FNIP1: variants seen among roughly 807,000 people sequenced by gnomAD.
The protein encoded by FNIP1 is folliculin-interacting protein 1.
In FNIP1, 40 loss-of-function variants were observed where a neutral mutation model predicts 124.5. The observed-to-expected ratio is 0.32, with a 90% CI of 0.25 to 0.42. The LOEUF (loss-of-function observed/expected upper bound fraction) is 0.42. FNIP1 is among the 10% of genes least tolerant of loss of function. FNIP1 has a pLI of 1.00. For missense variants in FNIP1, 1,176 were observed against 1,403.7 expected, an observed-to-expected ratio of 0.84 and a Z score of 2.59; for synonymous variants, 472 against 470.6, an observed-to-expected ratio of 1.00 and a Z score of -0.04.
intron 1 of FNIP1, among the ~76,000 whole-genome samples, chr5:131,755,429 A>C (rs1771018083): frequency 6.6e-6 from 1 of 151,844 alleles, no homozygotes; most frequent in Non-Finnish European, 1.5e-5. Context: ...TTAAAAAAAA[A>C]AAAAACGAAG....
At chr5:131,780,898 A>G (rs1052638221) in intron 1 of FNIP1, among the ~76,000 whole-genome samples, 5 of 152,238 alleles carry the variant, frequency 3.3e-5, no homozygotes, top group African/African-American at 1.2e-4. Flanking sequence ...CTGTAAATCA[A>G]AAGCTAGAAA....
rs1294773409 is a variant in FNIP1 at position 131,706,553 on chromosome 5, A to G, written c.779-7T>C. On this transcript the variant is annotated splice_polypyrimidine_tract_variant and splice_region_variant and intron_variant, in intron 8 of 17. Transcript: ENST00000510461. ...AGCAAGCTGCTGAGAGATGCTGTTAAGTCAGAAGAACAACAAGTATAAGTC... is the reference window on the plus strand; with the variant it reads ...AGCAAGCTGCTGAGAGATGCTGTTAGGTCAGAAGAACAACAAGTATAAGTC... The G allele has an allele frequency of 1.3e-6, 2 of 1,563,608 alleles. No individual in the cohort carries two copies. Among genetic ancestry groups the G allele is most frequent in the Non-Finnish European group, 1.7e-6 (2 of 1,155,080 alleles).
At chr5:131,652,378 C>A (rs1445756731) in intron 15 of FNIP1, among the ~76,000 whole-genome samples, 3 of 152,270 alleles carry the variant, frequency 2.0e-5, no homozygotes, top group South Asian at 4.1e-4. Context: ...TATTTTCAGA[C>A]AGAGTCTTGC....
At chr5:131,731,812 T>C (rs893387691) in intron 2 of FNIP1, among the ~76,000 whole-genome samples, 5 of 152,122 alleles carry the variant, frequency 3.3e-5, no homozygotes, top group Admixed American at 2.0e-4. Context: ...TTCATTTAAA[T>C]ACAACAATAA....
chr5:131,711,883 GTC>G (rs1199120459), intron 6 of FNIP1, among the ~76,000 whole-genome samples: 1 of 152,130 alleles, frequency 6.6e-6, no homozygotes, highest in African/African-American at 2.4e-5. Flanking sequence ...ATCCTTCCAT[GTC>G]TCAATGGTCA....
chr5:131,736,576 G>A (rs1027292317), intron 2 of FNIP1, among the ~76,000 whole-genome samples: 8 of 152,178 alleles, frequency 5.3e-5, no homozygotes, highest in South Asian at 2.1e-4. Context: ...GAGCATTACC[G>A]CCTGCACTCC....
chr5:131,691,085 C>G (rs953435319), intron 11 of FNIP1, among the ~76,000 whole-genome samples: 1 of 152,110 alleles, frequency 6.6e-6, no homozygotes, highest in African/African-American at 2.4e-5. Flanking sequence ...GGAACATTTG[C>G]CAAAATGGAC....
intron 1 of FNIP1, among the ~76,000 whole-genome samples, chr5:131,763,635 T>C (rs1377510385): frequency 6.6e-6 from 1 of 152,106 alleles, no homozygotes; most frequent in Admixed American, 6.6e-5. Flanking sequence ...CATGATCTAA[T>C]CACCTCCCAC....
intron 1 of FNIP1, among the ~76,000 whole-genome samples, chr5:131,758,152 AT>A (rs1465425303): frequency 1.6e-4 from 24 of 152,346 alleles, no homozygotes; most frequent in Admixed American, 1.4e-3. Flanking sequence ...ACAACAAACA[AT>A]CACAACAGAG....
chr5:131,745,737 T>C (rs749963868), intron 1 of FNIP1, among the ~76,000 whole-genome samples: 5 of 151,950 alleles, frequency 3.3e-5, no homozygotes, highest in Non-Finnish European at 7.4e-5. Context: ...TAGGCAAAAA[T>C]GGACAGACCA....
intron 11 of FNIP1, among the ~76,000 whole-genome samples, chr5:131,692,743 C>T (rs1377182541): frequency 6.6e-6 from 1 of 152,046 alleles, no homozygotes; most frequent in Non-Finnish European, 1.5e-5. Context: ...CATGAGGGCT[C>T]ATGCATGTAA....
intron 1 of FNIP1, among the ~76,000 whole-genome samples, chr5:131,748,309 G>GAAA (rs1770750955): frequency 6.6e-6 from 1 of 152,086 alleles, no homozygotes; most frequent in Non-Finnish European, 1.5e-5. Context: ...ACATGTCTGT[G>GAAA]GTGATGCTCA....
intron 1 of FNIP1, among the ~76,000 whole-genome samples, chr5:131,755,591 G>C (rs1230117561): frequency 2.0e-5 from 3 of 151,962 alleles, no homozygotes; most frequent in African/African-American, 4.8e-5. Context: ...TAATAAACTA[G>C]AATTTTAGGA....
Position 131,719,422 on chromosome 5 carries a change from A to T in FNIP1, c.355-5T>A. ...ATCAGAAGAGCACCGAGAACCCTAA[A>T]CAATAACCACATATTAACAAACTGT... On this transcript the variant is annotated splice_polypyrimidine_tract_variant and splice_region_variant and intron_variant, in intron 3 of 17. Coordinates refer to ENST00000510461, the MANE Select transcript of FNIP1 (RefSeq NM_133372.3). 1 of 1,596,048 alleles carries T rather than the reference A, an allele frequency of 6.3e-7. No individual in the cohort carries two copies. Among genetic ancestry groups the T allele is most frequent in the Non-Finnish European group, 8.5e-7 (1 of 1,174,144 alleles).
Position 131,796,838 on chromosome 5 carries a change from G to C in FNIP1, c.84C>G (p.Cys28Trp), listed in dbSNP as rs766296712. ...GCCCCACAGCGCCCTACCTGAACCC[G>C]CAATCTGGGTCCCGGGCGTCGCGGC... The part of the protein sequence containing the change: ...APGRDARDPD[C>W]GFSWPLPEFD... Residue 28 changes from cysteine to tryptophan, a missense_variant, in exon 1 of 18, where the codon TGC becomes TGG. This residue lies in a region of FNIP1 where 1,109 missense variants were observed against 1,288.5 expected (regional missense o/e 0.86). Coordinates refer to ENST00000510461, the MANE Select transcript of FNIP1 (RefSeq NM_133372.3). 6 of 1,591,076 alleles carry C rather than the reference G, an allele frequency of 3.8e-6. No homozygotes were observed. The highest frequency in any genetic ancestry group is 5.1e-6 in the Non-Finnish European group (6 of 1,169,392).
intron 11 of FNIP1, among the ~76,000 whole-genome samples, chr5:131,696,190 A>C (rs1448205159): frequency 6.6e-6 from 1 of 152,190 alleles, no homozygotes; most frequent in African/African-American, 2.4e-5. Context: ...GGGCTATATA[A>C]ATTGAGAAGT....
rs569173668 is a variant in FNIP1, at chr5:131,787,482, C to T, written c.92+9348G>A. ...CTCATCAAGTCCATCACACCAGCTACAACTTGATAAAAGGCTGATAAGCCA... is the reference window on the plus strand; with the variant it reads ...CTCATCAAGTCCATCACACCAGCTATAACTTGATAAAAGGCTGATAAGCCA... On this transcript the variant is annotated intron_variant, in intron 1 of 17. Transcript: ENST00000510461. Among the ~76,000 whole-genome samples the T allele has an allele frequency of 4.6e-5, 7 of 152,328 alleles. No homozygotes were observed. The South Asian group carries it at 1.2e-3, about 27-fold the overall frequency.
rs1296929647 is a variant in FNIP1, at chr5:131,671,547, T to G, written c.2897A>C (p.Glu966Ala). Reference protein sequence around the residue: ...TRQVSSYYGGEQEDWAEEDEI... With the variant: ...TRQVSSYYGGAQEDWAEEDEI... ...ATCCTCTTCTGCCCAATCTTCTTGC[T>G]CTCCTCCATAATAACTGCTAACTTG... Residue 966 changes from glutamate to alanine, a missense_variant, in exon 14 of 18, where the codon GAG (glutamate) becomes GCG (alanine). Coordinates refer to ENST00000510461, the MANE Select transcript of FNIP1 (RefSeq NM_133372.3). 1 of 1,612,766 alleles carries G rather than the reference T, an allele frequency of 6.2e-7. No individual in the cohort carries two copies. Among genetic ancestry groups the G allele is most frequent in the East Asian group, 2.2e-5 (1 of 44,868 alleles).
intron 11 of FNIP1, among the ~76,000 whole-genome samples, chr5:131,686,059 G>A (rs1279430365): frequency 6.6e-6 from 1 of 152,064 alleles, no homozygotes; most frequent in Non-Finnish European, 1.5e-5. Flanking sequence ...AACCATTAGG[G>A]ATAATAAATA....
Sources: gnomAD v4.1 joint callset for allele counts (sites outside exome capture counted in the v4.1 genomes callset) on GRCh38, gnomAD v4.1.1 for gene constraint, gnomAD v4.1.1 regional missense constraint, MANE v1.5 for transcripts, NCBI Gene and HGNC (gene_info 2026-07-23, HGNC 2026-07-21) for gene names.